The following PTPRN2 variants were observed in gnomAD, a reference collection of about 807,000 sequenced individuals.
PTPRN2 encodes the protein receptor-type tyrosine-protein phosphatase N2.
In PTPRN2, 74 loss-of-function variants were observed where a neutral mutation model predicts 118.8. The observed-to-expected ratio is 0.62, with a 90% confidence interval of 0.52 to 0.76. The LOEUF (loss-of-function observed/expected upper bound fraction) is 0.76, where lower values mean the gene tolerates loss of function less well. PTPRN2 is among the 30% of genes least tolerant of loss of function. The pLI, the probability that PTPRN2 is intolerant of heterozygous loss-of-function variation, is 0.00. For missense variants in PTPRN2, 1,481 were observed against 1,394.4 expected (o/e 1.06, Z -0.99); for synonymous variants, 641 against 608.0 (o/e 1.05, Z -0.80).
At chr7:158,311,305 GT>G (rs1187116715) in intron 3 of PTPRN2, among the ~76,000 whole-genome samples, 2 of 152,088 alleles carry the variant, frequency 1.3e-5, no homozygotes, top group African/African-American at 2.4e-5. Context: ...TACATATTTG[GT>G]TTTTTTGCTT....
intron 2 of PTPRN2, among the ~76,000 whole-genome samples, chr7:158,384,236 G>C (rs948623400): frequency 1.3e-5 from 2 of 152,200 alleles, no homozygotes; most frequent in Non-Finnish European, 2.9e-5. Context: ...GAGCTGGTAA[G>C]GGCCTGCATT....
chr7:158,041,333 C>T (rs1808450626), intron 11 of PTPRN2, among the ~76,000 whole-genome samples: 1 of 152,188 alleles, frequency 6.6e-6, no homozygotes, highest in South Asian at 2.1e-4. Context: ...TTCTTAACAA[C>T]ATTGCAATAA....
At position 157,903,056 on chromosome 7, in the gene PTPRN2, G is replaced by A. The variant is rs146703547; in HGVS notation, c.1724-4319C>T. ...GGGCCACCATCCTAAGCAAATTAAC[G>A]CAAAAGCAGAAAGCCACACGCTGCC... is the stretch of plus-strand genomic sequence containing the variant. On this transcript the variant is annotated intron_variant, in intron 11 of 22. Coordinates refer to ENST00000389418, the MANE Select transcript of PTPRN2 (RefSeq NM_002847.5). The surrounding 1 kb of genome is among the most constrained non-coding windows in gnomAD (Gnocchi z 4.2). Among the ~76,000 whole-genome samples, 4 of 152,114 alleles carry A rather than the reference G, an allele frequency of 2.6e-5. No individual in the cohort carries two copies. Among genetic ancestry groups the A allele is most frequent in the Non-Finnish European group, 4.4e-5 (3 of 68,028 alleles).
At chr7:158,336,699 C>T (rs1212365588) in intron 2 of PTPRN2, among the ~76,000 whole-genome samples, 254 of 127,246 alleles carry the variant, frequency 2.0e-3, no homozygotes, top group African/African-American at 7.2e-3. Flanking sequence ...CCGCAGACGT[C>T]ACTCACACCC....
At chr7:158,092,296 A>T (rs1477459435) in intron 10 of PTPRN2, among the ~76,000 whole-genome samples, 2 of 104,618 alleles carry the variant, frequency 1.9e-5, no homozygotes, top group Admixed American at 2.4e-4. Context: ...ATATATATGT[A>T]GGTGAGTGGG....
intron 11 of PTPRN2, among the ~76,000 whole-genome samples, chr7:157,942,582 G>A (rs1037584624): frequency 6.6e-6 from 1 of 151,996 alleles, no homozygotes; most frequent in Non-Finnish European, 1.5e-5. Context: ...TTGAGACTGG[G>A]AGCTGGTGGA....
chr7:158,010,317 C>G (rs1042037165), intron 11 of PTPRN2, among the ~76,000 whole-genome samples: 1 of 152,172 alleles, frequency 6.6e-6, no homozygotes, highest in African/African-American at 2.4e-5. Flanking sequence ...GTTGTAGGTG[C>G]TACAGAGACA....
chr7:157,795,755 G>A (rs1268617650), intron 12 of PTPRN2, among the ~76,000 whole-genome samples: 2 of 152,228 alleles, frequency 1.3e-5, no homozygotes, highest in African/African-American at 2.4e-5. Flanking sequence ...GGACGAGGCG[G>A]GAGGCGGGAG....
intron 2 of PTPRN2, among the ~76,000 whole-genome samples, chr7:158,356,031 A>G (rs1808361277): frequency 6.6e-6 from 1 of 152,138 alleles, no homozygotes; most frequent in African/African-American, 2.4e-5. Flanking sequence ...TATTATGGAA[A>G]ATTACAAGTT....
chr7:158,186,483 G>A (rs906682866), intron 5 of PTPRN2, among the ~76,000 whole-genome samples: 2 of 152,316 alleles, frequency 1.3e-5, no homozygotes, highest in African/African-American at 2.4e-5. Context: ...CCCCAAGGCC[G>A]TCCTCTTGGA....
chr7:157,597,339 AAT>A (rs1302186733), intron 16 of PTPRN2, among the ~76,000 whole-genome samples: 1 of 152,204 alleles, frequency 6.6e-6, no homozygotes, highest in Non-Finnish European at 1.5e-5. Flanking sequence ...TCAGTAGAAA[AAT>A]GCTTAGCAGA....
chr7:158,005,933 G>A (rs962780377), intron 11 of PTPRN2, among the ~76,000 whole-genome samples: 1 of 152,242 alleles, frequency 6.6e-6, no homozygotes, highest in African/African-American at 2.4e-5. Flanking sequence ...GATCATGAAG[G>A]AAAGTAAAAC....
rs568234413 is a variant in PTPRN2, at chr7:157,754,160, G to A, written c.1789-71223C>T. On this transcript the variant is annotated intron_variant, in intron 12 of 22. Transcript: ENST00000389418. ...GTGGGCTCAGGAAGAGCAGGGCCTG[G>A]TGCGGGCCCTTCCCGAGGAAGCCTG... Among the ~76,000 whole-genome samples, 22 of 152,370 alleles carry A rather than the reference G, an allele frequency of 1.4e-4. No individual in the cohort carries two copies. In the South Asian group the frequency reaches 4.6e-3, roughly 32 times the overall value.
At chr7:158,540,872 C>A (rs567663269) in intron 1 of PTPRN2, among the ~76,000 whole-genome samples, 1 of 152,354 alleles carries the variant, frequency 6.6e-6, no homozygotes, top group East Asian at 1.9e-4. Context: ...GCCAATGTGC[C>A]CCAGTGGCTG....
intron 1 of PTPRN2, among the ~76,000 whole-genome samples, chr7:158,549,894 T>C (rs994810426): frequency 2.0e-5 from 3 of 152,222 alleles, no homozygotes; most frequent in Admixed American, 2.0e-4. Flanking sequence ...CTTGGGTTGA[T>C]TATGTGTGCA....
chr7:158,084,605 G>T (rs1431922630), intron 10 of PTPRN2, among the ~76,000 whole-genome samples: 3 of 151,724 alleles, frequency 2.0e-5, no homozygotes, highest in African/African-American at 7.3e-5. Flanking sequence ...TACAGCTCTC[G>T]GGGAGAAAAC....
rs1800743937 is a variant in PTPRN2 at position 157,587,404 on chromosome 7, C to T, written c.2496+7834G>A. ...CTGGCAGGCAGTTGGAAGGAAACAC[C>T]GTTAAATTCTTTGGGTCTTCCACAG... is the stretch of plus-strand genomic sequence containing the variant. On this transcript the variant is annotated intron_variant, in intron 17 of 22. Transcript: ENST00000389418. The surrounding 1 kb of genome is among the most constrained non-coding windows in gnomAD (Gnocchi z 5.3). Among the ~76,000 whole-genome samples, 1 of 152,174 alleles carries T rather than the reference C, an allele frequency of 6.6e-6. No individual in the cohort carries two copies. Among genetic ancestry groups the T allele is most frequent in the Non-Finnish European group, 1.5e-5 (1 of 68,048 alleles).
At chr7:158,277,158 T>C (rs1016299168) in intron 3 of PTPRN2, among the ~76,000 whole-genome samples, 1 of 151,280 alleles carries the variant, frequency 6.6e-6, no homozygotes, top group African/African-American at 2.4e-5. Flanking sequence ...CACATACACG[T>C]GCACATAAAC....
At chr7:158,289,652 T>C (rs547668024) in intron 3 of PTPRN2, among the ~76,000 whole-genome samples, 1 of 151,952 alleles carries the variant, frequency 6.6e-6, no homozygotes, top group African/African-American at 2.4e-5. Flanking sequence ...CATTTGTTTA[T>C]CTCCATTTCT....
Sources: gnomAD v4.1 joint callset for allele counts (sites outside exome capture counted in the v4.1 genomes callset) on GRCh38, gnomAD v4.1.1 for gene constraint, Gnocchi (gnomAD v3.1) non-coding constraint, MANE v1.5 for transcripts, NCBI Gene and HGNC (gene_info 2026-07-23, HGNC 2026-07-21) for gene names.